The following PPME1 variants were observed in gnomAD, a reference collection of about 807,000 sequenced individuals.
The protein encoded by PPME1 is protein phosphatase methylesterase 1.
PPME1 carries 17 observed loss-of-function variants against 56.9 expected under a neutral mutation model. The observed-to-expected ratio is 0.30, with a 90% CI of 0.20 to 0.45. The LOEUF (loss-of-function observed/expected upper bound fraction) is 0.45, where lower values mean the gene tolerates loss of function less well. PPME1 is among the 20% of genes least tolerant of loss of function. The probability of loss-of-function intolerance (pLI) is 1.00; values close to 1 mark genes in which losing one functional copy is unlikely to be tolerated. For missense variants in PPME1, 357 were observed against 483.2 expected, an observed-to-expected ratio of 0.74 and a Z score of 2.45; for synonymous variants, 122 against 156.2, an observed-to-expected ratio of 0.78 and a Z score of 1.63.
intron 7 of PPME1, 106 bp from the exon 8 acceptor site, chr11:74,235,795 C>A (rs1453533462): frequency 1.2e-5 from 18 of 1,510,072 alleles, no homozygotes; most frequent in Non-Finnish European, 1.5e-5. Flanking sequence ...GTGATCACTA[C>A]TTTTTATTAG....
intron 13 of PPME1, chr11:74,252,515 G>A: frequency 2.2e-6 from 1 of 456,242 alleles, no homozygotes; most frequent in East Asian, 6.9e-5. Flanking sequence ...GAAGCTGGCA[G>A]AATATTAGCC....
At chr11:74,201,682 G>A (rs894856890) in intron 1 of PPME1, among the ~76,000 whole-genome samples, 5 of 152,184 alleles carry the variant, frequency 3.3e-5, no homozygotes, top group African/African-American at 1.2e-4. Flanking sequence ...AAAGTTTTGT[G>A]AGGGTTAAAT....
chr11:74,247,274 A>G lies in PPME1; in HGVS notation c.1009+151A>G, dbSNP rs531276761. Reference sequence around the variant, plus strand: ...CATCCGCCTCTACTCCTAACACACTATATGATTATGGGCAAGTATTTCCCT... The same window carrying G: ...CATCCGCCTCTACTCCTAACACACTGTATGATTATGGGCAAGTATTTCCCT... On this transcript the variant is annotated intron_variant, in intron 11 of 13. Coordinates refer to ENST00000328257, the MANE Select transcript of PPME1 (RefSeq NM_016147.3). Among the ~76,000 whole-genome samples the G allele has an allele frequency of 3.3e-5, 5 of 152,238 alleles. No individual in the cohort carries two copies. In the South Asian group the frequency reaches 1.0e-3, roughly 32 times the overall value.
At chr11:74,232,917 G>A (rs1453171959) in intron 7 of PPME1, among the ~76,000 whole-genome samples, 1 of 141,886 alleles carries the variant, frequency 7.0e-6, no homozygotes. Context: ...GGCTCGACTG[G>A]TCTTGAACTC....
intron 9 of PPME1, among the ~76,000 whole-genome samples, chr11:74,240,319 A>G (rs1006116994): frequency 1.1e-4 from 17 of 152,214 alleles, no homozygotes; most frequent in African/African-American, 4.1e-4. Context: ...CAAACAAAAA[A>G]TGTGTATTTT....
At chr11:74,181,037 T>C (rs1190485369) in intron 1 of PPME1, among the ~76,000 whole-genome samples, 2 of 140,874 alleles carry the variant, frequency 1.4e-5, no homozygotes, top group African/African-American at 5.5e-5. Flanking sequence ...TCACTTTTTT[T>C]TTTTTTTTTT....
At chr11:74,172,887 A>T (rs1379750019) in intron 1 of PPME1, among the ~76,000 whole-genome samples, 1 of 152,176 alleles carries the variant, frequency 6.6e-6, no homozygotes, top group African/African-American at 2.4e-5. Flanking sequence ...ATGTGTAAAA[A>T]CTTATCAAAA....
At chr11:74,247,483 GTT>G (rs761820906) in intron 11 of PPME1, 15 of 119,096 alleles carry the variant, frequency 1.3e-4, no homozygotes, top group South Asian at 3.0e-4. Context: ...TTGTTTGTGG[GTT>G]TTTTTTTTTT....
chr11:74,248,157 C>T (rs757453345), intron 11 of PPME1: 50 of 152,342 alleles, frequency 3.3e-4, no homozygotes, highest in Middle Eastern at 3.2e-3. Context: ...TGCTTTAGTA[C>T]GGGTAAAAGA....
intron 3 of PPME1, among the ~76,000 whole-genome samples, chr11:74,209,581 T>G (rs755725157): frequency 1.3e-5 from 2 of 152,202 alleles, no homozygotes; most frequent in African/African-American, 2.4e-5. Flanking sequence ...TGAGTACCAC[T>G]GTTTCAGGCA....
At chr11:74,252,239 G>GT (rs974162487) in intron 13 of PPME1, among the ~76,000 whole-genome samples, 4,241 of 112,186 alleles carry the variant, frequency 0.038, 185 homozygotes, top group African/African-American at 0.12. Flanking sequence ...GGCTAATTTT[G>GT]TTTTTTTTTT....
At chr11:74,196,828 A>G (rs1195712647) in intron 1 of PPME1, among the ~76,000 whole-genome samples, 1 of 152,212 alleles carries the variant, frequency 6.6e-6, no homozygotes, top group Admixed American at 6.5e-5. Context: ...GATATTATAA[A>G]CTTTAAAGCA....
Position 74,251,724 on chromosome 11 carries a change from G to A in PPME1, c.1142+9G>A, listed in dbSNP as rs767449324. 2 of 1,613,798 alleles carry A rather than the reference G, an allele frequency of 1.2e-6. No individual in the cohort carries two copies. The highest frequency in any genetic ancestry group is 2.7e-5 in the African/African-American group (2 of 74,924). The stretch of plus-strand genomic sequence containing the variant: ...ATCGGTGGATTCCAGTGGTAAGGCG[G>A]GTACAAGGGTTTAAGAACCCAGCAG... On this transcript the variant is annotated intron_variant, in intron 13 of 13. Transcript: ENST00000328257.
At chr11:74,197,485 G>A (rs556887590) in intron 1 of PPME1, among the ~76,000 whole-genome samples, 2 of 152,296 alleles carry the variant, frequency 1.3e-5, no homozygotes, top group South Asian at 2.1e-4. Flanking sequence ...TGACTAATTT[G>A]AGAGTAACCA....
intron 3 of PPME1, among the ~76,000 whole-genome samples, chr11:74,217,909 A>G (rs1386618684): frequency 1.3e-5 from 2 of 152,226 alleles, no homozygotes; most frequent in African/African-American, 4.8e-5. Context: ...CTGTTATTCA[A>G]CATATTATTG....
chr11:74,252,313 C>G, intron 13 of PPME1: 1 of 357,494 alleles, frequency 2.8e-6, no homozygotes, highest in Non-Finnish European at 5.7e-6. Context: ...GTCTTGAACT[C>G]CTGGCCTCAA....
At chr11:74,223,177 G>T (rs56295430) in intron 4 of PPME1, among the ~76,000 whole-genome samples, 5,500 of 151,312 alleles carry the variant, frequency 0.036, 209 homozygotes, top group African/African-American at 0.098. Flanking sequence ...CCACCTATGA[G>T]TGAGAATATG....
rs182871034 is a variant in PPME1 at position 74,229,983 on chromosome 11, A to G, written c.399-262A>G. ...ATTGTACTACATATGTGGAACAGTG[A>G]AAGTGTGATGTAAAGGAAAATTCAG... is the stretch of plus-strand genomic sequence containing the variant. On this transcript the variant is annotated intron_variant, in intron 5 of 13. Coordinates refer to ENST00000328257, the MANE Select transcript of PPME1 (RefSeq NM_016147.3). 3.1e-3 allele frequency among the ~76,000 whole-genome samples: 477 copies of G among 152,350 alleles called. 3 individuals carry two copies. The Middle Eastern group carries it at 0.034, about 11-fold the overall frequency.
chr11:74,236,894 A>T (rs1367164335), intron 8 of PPME1, among the ~76,000 whole-genome samples: 1 of 152,256 alleles, frequency 6.6e-6, no homozygotes, highest in Non-Finnish European at 1.5e-5. Context: ...ATATCATCAA[A>T]TATCTAATCA....
Sources: gnomAD v4.1 joint callset for allele counts (sites outside exome capture counted in the v4.1 genomes callset) on GRCh38, gnomAD v4.1.1 for gene constraint, MANE v1.5 for transcripts, NCBI Gene and HGNC (gene_info 2026-07-23, HGNC 2026-07-21) for gene names.